SLC24A3: variants seen among roughly 807,000 people sequenced by gnomAD.
The protein encoded by SLC24A3 is solute carrier family 24 member 3, also known as sodium/potassium/calcium exchanger 3.
A neutral mutation model predicts 75.8 loss-of-function variants in SLC24A3; 28 were observed. The ratio of observed to expected loss-of-function variants is 0.37; its 90% CI spans 0.27 to 0.51. SLC24A3 has a LOEUF of 0.51. SLC24A3 is among the 20% of genes least tolerant of loss of function. The pLI is 0.94. For missense variants in SLC24A3, 663 were observed against 847.8 expected (o/e 0.78, Z 2.71); for synonymous variants, 372 against 334.1 (o/e 1.11, Z -1.24).
intron 3 of SLC24A3, among the ~76,000 whole-genome samples, chr20:19,559,408 T>G (rs1049110316): frequency 6.6e-6 from 1 of 152,236 alleles, no homozygotes; most frequent in East Asian, 1.9e-4. Flanking sequence ...GTCTATGGCC[T>G]GCATTTTCAT....
intron 2 of SLC24A3, among the ~76,000 whole-genome samples, chr20:19,422,991 G>A (rs1008514099): frequency 6.6e-6 from 1 of 152,218 alleles, no homozygotes; most frequent in Admixed American, 6.5e-5. Flanking sequence ...AAACTCTGCT[G>A]ATCAGTGATG....
chr20:19,316,667 C>G (rs960522436), intron 2 of SLC24A3, among the ~76,000 whole-genome samples: 4 of 152,326 alleles, frequency 2.6e-5, no homozygotes, highest in African/African-American at 7.2e-5. Context: ...CAGGTTGGCC[C>G]TAGGGGCTGG....
At chr20:19,607,400 G>T (rs186105730) in intron 6 of SLC24A3, among the ~76,000 whole-genome samples, 1 of 152,152 alleles carries the variant, frequency 6.6e-6, no homozygotes, top group Non-Finnish European at 1.5e-5. Flanking sequence ...CTCATCCTTG[G>T]TCTTGATTTT....
At chr20:19,322,016 C>T (rs192058929) in intron 2 of SLC24A3, among the ~76,000 whole-genome samples, 4 of 152,268 alleles carry the variant, frequency 2.6e-5, no homozygotes, top group African/African-American at 7.2e-5. Flanking sequence ...GCAGGATGAA[C>T]ATCTTTGACA....
intron 6 of SLC24A3, among the ~76,000 whole-genome samples, chr20:19,591,493 GTT>G (rs11474980): frequency 3.4e-4 from 50 of 148,678 alleles, no homozygotes; most frequent in South Asian, 8.5e-4. Flanking sequence ...CCTCATACTA[GTT>G]TTTTTTTTTT....
intron 2 of SLC24A3, among the ~76,000 whole-genome samples, chr20:19,312,345 A>G (rs1477657767): frequency 2.6e-5 from 4 of 152,218 alleles, no homozygotes; most frequent in African/African-American, 9.7e-5. Context: ...AGGAATTTGG[A>G]AGTTAGAACA....
At chr20:19,669,921 A>T (rs1173332992) in intron 8 of SLC24A3, among the ~76,000 whole-genome samples, 1 of 152,130 alleles carries the variant, frequency 6.6e-6, no homozygotes, top group Non-Finnish European at 1.5e-5. Context: ...ACAAACCCAG[A>T]TCAGCTACAG....
chr20:19,583,884 G>A (rs1025059828), intron 4 of SLC24A3, among the ~76,000 whole-genome samples: 5 of 150,434 alleles, frequency 3.3e-5, no homozygotes, highest in Admixed American at 6.6e-5. Context: ...AGCCGACAGC[G>A]AAGCGACCCA....
chr20:19,379,175 G>A (rs991810997), intron 2 of SLC24A3, among the ~76,000 whole-genome samples: 12 of 152,108 alleles, frequency 7.9e-5, no homozygotes, highest in Non-Finnish European at 1.5e-5. Flanking sequence ...TTCATCATAT[G>A]TCCTGGGCAT....
chr20:19,362,708 G>A (rs1248844634), intron 2 of SLC24A3, among the ~76,000 whole-genome samples: 5 of 152,238 alleles, frequency 3.3e-5, no homozygotes, highest in Admixed American at 1.3e-4. Flanking sequence ...TTGAACCGAC[G>A]TCTCCTGTGT....
At chr20:19,509,506 C>T (rs951908426) in intron 2 of SLC24A3, among the ~76,000 whole-genome samples, 11 of 152,314 alleles carry the variant, frequency 7.2e-5, no homozygotes, top group African/African-American at 2.4e-4. Context: ...CCACACTGTC[C>T]GCATACACTC....
intron 1 of SLC24A3, chr20:19,244,211 A>C (rs3827976): frequency 0.24 from 36,158 of 152,040 alleles, 4,382 homozygotes; most frequent in South Asian, 0.31. Context: ...TAATTCAATG[A>C]GCATTCCTTT....
chr20:19,619,593 G>A (rs1252263977), intron 6 of SLC24A3, among the ~76,000 whole-genome samples: 2 of 152,186 alleles, frequency 1.3e-5, no homozygotes, highest in East Asian at 3.8e-4. Flanking sequence ...CTGGAGCATA[G>A]ATACATAGAT....
chr20:19,594,764 T>G (rs1001750371), intron 6 of SLC24A3, among the ~76,000 whole-genome samples: 5 of 151,830 alleles, frequency 3.3e-5, no homozygotes, highest in African/African-American at 1.2e-4. Flanking sequence ...AGTGGGATAG[T>G]GAGATAGGGA....
chr20:19,522,117 GCTAA>G (rs1037372879), intron 3 of SLC24A3, among the ~76,000 whole-genome samples: 2 of 152,108 alleles, frequency 1.3e-5, no homozygotes, highest in African/African-American at 4.8e-5. Flanking sequence ...TGAATGAGGA[GCTAA>G]CTTTTTTTTA....
At chr20:19,514,880 G>T (rs990728278) in intron 2 of SLC24A3, among the ~76,000 whole-genome samples, 7 of 152,134 alleles carry the variant, frequency 4.6e-5, no homozygotes, top group Non-Finnish European at 8.8e-5. Context: ...GCAGGGAGGG[G>T]GTTGTTCTAA....
chr20:19,376,070 G>A (rs1986078117), intron 2 of SLC24A3, among the ~76,000 whole-genome samples: 1 of 152,164 alleles, frequency 6.6e-6, no homozygotes, highest in South Asian at 2.1e-4. Context: ...AACCCAATAT[G>A]AGAAGTATAT....
chr20:19,384,634 A>G (rs1045016475), intron 2 of SLC24A3, among the ~76,000 whole-genome samples: 3 of 152,224 alleles, frequency 2.0e-5, no homozygotes, highest in Non-Finnish European at 4.4e-5. Flanking sequence ...TACTGCTGCA[A>G]TGAACATGGG....
At chr20:19,554,177 A>C (rs930120305) in intron 3 of SLC24A3, among the ~76,000 whole-genome samples, 13 of 152,206 alleles carry the variant, frequency 8.5e-5, no homozygotes, top group Non-Finnish European at 1.9e-4. Flanking sequence ...AGAACACATG[A>C]GATGGCAAAC....
Sources: allele counts gnomAD v4.1 joint callset (sites outside exome capture counted in the v4.1 genomes callset), GRCh38; gene constraint gnomAD v4.1.1; transcripts MANE v1.5; gene names NCBI Gene and HGNC (gene_info 2026-07-23, HGNC 2026-07-21).